The following COL21A1 variants were observed in gnomAD, a reference collection of about 807,000 sequenced individuals.
COL21A1 encodes the protein collagen type XXI alpha 1 chain, also known as collagen alpha-1(XXI) chain.
In COL21A1, 149 loss-of-function variants were observed where a neutral mutation model predicts 137.9. That is an observed-to-expected ratio of 1.08 (90% CI 0.95 to 1.24). COL21A1 has a LOEUF of 1.24. Ranked by LOEUF, COL21A1 falls within the 50% of genes most tolerant of loss-of-function variation. The pLI is 0.00. For synonymous variants in COL21A1, 456 were observed against 391.5 expected (o/e 1.16, Z -1.95); for missense variants, 1,167 against 1,158.4 (o/e 1.01, Z -0.11).
At chr6:56,187,154 G>A (rs557136961) in intron 1 of COL21A1, among the ~76,000 whole-genome samples, 1 of 152,196 alleles carries the variant, frequency 6.6e-6, no homozygotes, top group Non-Finnish European at 1.5e-5. Flanking sequence ...GCTGGTGGGG[G>A]TTTTCTGCAG....
At chr6:56,287,088 T>C (rs773046711) in intron 1 of COL21A1, among the ~76,000 whole-genome samples, 1 of 152,150 alleles carries the variant, frequency 6.6e-6, no homozygotes, top group African/African-American at 2.4e-5. Context: ...TCCATATTAA[T>C]AGAAATCAAA....
intron 16 of COL21A1, among the ~76,000 whole-genome samples, chr6:56,107,597 A>C (rs758137335): frequency 6.6e-6 from 1 of 152,020 alleles, no homozygotes; most frequent in African/African-American, 2.4e-5. Context: ...TGGCATCAGC[A>C]ACACACATGT....
intron 1 of COL21A1, among the ~76,000 whole-genome samples, chr6:56,215,298 CA>C (rs1780413264): frequency 6.6e-6 from 1 of 151,970 alleles, no homozygotes. Flanking sequence ...TTTATTATCC[CA>C]AATATCTGCT....
intron 10 of COL21A1, among the ~76,000 whole-genome samples, chr6:56,150,456 T>C (rs1051757016): frequency 1.3e-5 from 2 of 151,410 alleles, no homozygotes; most frequent in Non-Finnish European, 2.9e-5. Flanking sequence ...AGGCGGAGCT[T>C]GCAGTGAGCC....
chr6:56,098,059 A>G lies in COL21A1; in HGVS notation c.1812+3413T>C, dbSNP rs866675568. ...AATATATAAATATATATAAATATAT[A>G]TAAATATATAAATATATATAAATAT... On this transcript the variant is annotated intron_variant, in intron 17 of 29. Transcript: ENST00000244728. Among the ~76,000 whole-genome samples, 2 of 1,928 alleles carry G rather than the reference A, an allele frequency of 1.0e-3. 1 individual carries two copies. The highest frequency in any genetic ancestry group is 1.8e-3 in the Non-Finnish European group (2 of 1,130). The allele number at this position is 1,928 out of a possible 152,430, so 1.3% of individuals were successfully genotyped here.
chr6:56,265,415 G>A (rs1489268428), intron 1 of COL21A1, among the ~76,000 whole-genome samples: 1 of 152,184 alleles, frequency 6.6e-6, no homozygotes, highest in African/African-American at 2.4e-5. Flanking sequence ...TAGCCCAGGG[G>A]CTACAACAGA....
chr6:56,109,367 A>G (rs1189806990), intron 16 of COL21A1, among the ~76,000 whole-genome samples: 1 of 151,866 alleles, frequency 6.6e-6, no homozygotes, highest in Non-Finnish European at 1.5e-5. Context: ...TGACCAAGGG[A>G]GAATAATCAT....
At position 56,056,752 on chromosome 6, in the gene COL21A1, A is replaced by G. The variant is rs1765378959; in HGVS notation, c.*905T>C. 6.6e-6 allele frequency: 1 copy of G among 152,186 alleles called. No individual in the cohort carries two copies. Among genetic ancestry groups the G allele is most frequent in the Non-Finnish European group, 1.5e-5 (1 of 68,036 alleles). The allele number at this position is 152,186 out of a possible 1,614,324, so 9.4% of individuals were successfully genotyped here. ...TTTACAGTCAGCTAAAAATAACAAG[A>G]CATTCTAGGATTTCAGGAGTTTTCC... is the stretch of plus-strand genomic sequence containing the variant. On this transcript the variant is annotated 3_prime_UTR_variant, in exon 30 of 30. Coordinates refer to ENST00000244728, the MANE Select transcript of COL21A1 (RefSeq NM_030820.4).
chr6:56,276,610 C>A, intron 1 of COL21A1: 1 of 1,436,752 alleles, frequency 7.0e-7, no homozygotes, highest in Non-Finnish European at 9.8e-7. Flanking sequence ...GGTATTCTGG[C>A]AGAAGTTTAT....
At chr6:56,164,916 A>G (rs1261434299) in intron 7 of COL21A1, 94 bp from the exon 8 acceptor site, 1 of 996,130 alleles carries the variant, frequency 1.0e-6, no homozygotes, top group Non-Finnish European at 1.4e-6. Flanking sequence ...TCCAGATTAG[A>G]GATATATGAA....
intron 1 of COL21A1, among the ~76,000 whole-genome samples, chr6:56,304,041 T>C (rs1454429320): frequency 5.3e-5 from 8 of 152,198 alleles, no homozygotes; most frequent in Non-Finnish European, 1.0e-4. Flanking sequence ...CGTTTATTGA[T>C]TTGCATATGT....
chr6:56,367,314 G>A (rs555173526), intron 1 of COL21A1, among the ~76,000 whole-genome samples: 2 of 152,244 alleles, frequency 1.3e-5, no homozygotes, highest in South Asian at 4.1e-4. Context: ...TGTGATCCAA[G>A]TCTAAACTGA....
At position 56,060,214 on chromosome 6, in the gene COL21A1, C is replaced by G. The variant is rs550920390; in HGVS notation, c.2412G>C (p.Gln804His). ...RQVCTDVIRA[Q>H]LPVLLQSGRI... ...TTCCACTCTGAAGTAAGACTGGTAG[C>G]TGGGCTTTCAAAAACAAAGAAACCC... Residue 804 changes from glutamine to histidine, a missense_variant, in exon 28 of 30, where the codon CAG (glutamine) becomes CAC (histidine). Coordinates refer to ENST00000244728, the MANE Select transcript of COL21A1 (RefSeq NM_030820.4). The G allele has an allele frequency of 4.0e-5, 63 of 1,592,978 alleles. 1 individual carries two copies. In the East Asian group the frequency reaches 1.4e-3, roughly 35 times the overall value.
At chr6:56,227,501 T>C (rs1240509018) in intron 1 of COL21A1, among the ~76,000 whole-genome samples, 1 of 152,066 alleles carries the variant, frequency 6.6e-6, no homozygotes, top group Non-Finnish European at 1.5e-5. Flanking sequence ...TATCAGTTAT[T>C]ACACTTCAGA....
At chr6:56,359,081 C>T (rs905036730) in intron 1 of COL21A1, among the ~76,000 whole-genome samples, 6 of 152,114 alleles carry the variant, frequency 3.9e-5, no homozygotes, top group African/African-American at 7.2e-5. Context: ...GACTATAATT[C>T]ACTTCTAAAA....
At chr6:56,108,091 G>C (rs546733513) in intron 16 of COL21A1, among the ~76,000 whole-genome samples, 48 of 152,016 alleles carry the variant, frequency 3.2e-4, no homozygotes, top group Admixed American at 1.3e-3. Context: ...AGTAAACGTA[G>C]TATAAAGACC....
At chr6:56,373,722 C>T (rs1196239561) in intron 1 of COL21A1, among the ~76,000 whole-genome samples, 1 of 152,176 alleles carries the variant, frequency 6.6e-6, no homozygotes. Context: ...TTAACATATG[C>T]ATTACCTCAC....
intron 1 of COL21A1, among the ~76,000 whole-genome samples, chr6:56,315,341 T>C (rs1232982214): frequency 6.6e-6 from 1 of 152,170 alleles, no homozygotes; most frequent in East Asian, 1.9e-4. Context: ...TGAGGCAGCT[T>C]GAAGAGTTCT....
At chr6:56,108,487 GA>G (rs1771145577) in intron 16 of COL21A1, among the ~76,000 whole-genome samples, 1 of 151,700 alleles carries the variant, frequency 6.6e-6, no homozygotes, top group African/African-American at 2.4e-5. Context: ...AAATTCAAGT[GA>G]AAAATTATTA....
Sources: allele counts gnomAD v4.1 joint callset (sites outside exome capture counted in the v4.1 genomes callset), GRCh38; gene constraint gnomAD v4.1.1; transcripts MANE v1.5; gene names NCBI Gene and HGNC (gene_info 2026-07-23, HGNC 2026-07-21).